The following PTPN3 variants were observed in gnomAD, a reference collection of about 807,000 sequenced individuals.
The protein encoded by PTPN3 is tyrosine-protein phosphatase non-receptor type 3.
PTPN3 carries 96 observed loss-of-function variants against 132.7 expected under a neutral mutation model. That is an observed-to-expected ratio of 0.72 (90% CI 0.61 to 0.86). PTPN3 has a LOEUF of 0.86. Ranked by LOEUF, PTPN3 falls within the 40% of genes least tolerant of loss-of-function variation. The pLI is 0.00. For synonymous variants in PTPN3, 398 were observed against 429.0 expected, an observed-to-expected ratio of 0.93 and a Z score of 0.89; for missense variants, 1,125 against 1,159.6, an observed-to-expected ratio of 0.97 and a Z score of 0.43.
intron 5 of PTPN3, chr9:109,449,571 G>C: frequency 1.0e-6 from 1 of 985,396 alleles, no homozygotes; most frequent in Non-Finnish European, 1.2e-6. Flanking sequence ...GGGGAGCGGG[G>C]AAAGGAGGCC....
At chr9:109,534,103 T>C in the PTPN3 span, 4 of 782,930 alleles carry the variant, frequency 5.1e-6, no homozygotes, top group East Asian at 2.4e-5. Flanking sequence ...GTCATTCCTG[T>C]TGATGAAAGC....
At chr9:109,409,576 C>T (rs189258109) in intron 16 of PTPN3, among the ~76,000 whole-genome samples, 102 of 152,048 alleles carry the variant, frequency 6.7e-4, no homozygotes, top group African/African-American at 2.4e-3. Context: ...CCTGTAATCC[C>T]GGCACTTTGG....
intron 19 of PTPN3, among the ~76,000 whole-genome samples, chr9:109,402,355 C>T (rs537141991): frequency 5.9e-5 from 9 of 151,736 alleles, no homozygotes; most frequent in Non-Finnish European, 1.2e-4. Context: ...CTTGTCTCAC[C>T]GCAACCTCCG....
intron 14 of PTPN3, among the ~76,000 whole-genome samples, chr9:109,419,150 A>C (rs1021555890): frequency 6.6e-6 from 1 of 152,266 alleles, no homozygotes; most frequent in Non-Finnish European, 1.5e-5. Context: ...AGCATCATCC[A>C]AGCTCAGGTC....
At chr9:109,451,021 T>C (rs1388897101) in intron 5 of PTPN3, 8 of 959,982 alleles carry the variant, frequency 8.3e-6, no homozygotes, top group African/African-American at 2.0e-5. Flanking sequence ...ATCTTTTAAG[T>C]TTTTTTATTT....
At chr9:109,511,321 A>T in the PTPN3 span, among the ~76,000 whole-genome samples, 347 of 152,284 alleles carry the variant, frequency 2.3e-3, 2 homozygotes, top group African/African-American at 7.5e-3. Flanking sequence ...AAGTGAGAAG[A>T]TACACAAAGA....
chr9:109,474,976 A>C (rs1846579149), intron 1 of PTPN3, among the ~76,000 whole-genome samples: 1 of 152,190 alleles, frequency 6.6e-6, no homozygotes, highest in Non-Finnish European at 1.5e-5. Context: ...ATTAACTTGC[A>C]CCTAGCTACT....
At chr9:109,476,479 T>G (rs1249453282) in intron 1 of PTPN3, among the ~76,000 whole-genome samples, 1 of 152,210 alleles carries the variant, frequency 6.6e-6, no homozygotes, top group South Asian at 2.1e-4. Flanking sequence ...TGTTGATGCA[T>G]TTATCTGTAC....
chr9:109,440,141 C>A (rs1397731610), intron 7 of PTPN3, among the ~76,000 whole-genome samples: 1 of 152,186 alleles, frequency 6.6e-6, no homozygotes. Flanking sequence ...GTGCTCAGAA[C>A]TGATCTGTAC....
chr9:109,533,419 T>A, the PTPN3 span: 1 of 1,170,474 alleles, frequency 8.5e-7, no homozygotes, highest in Non-Finnish European at 1.3e-6. Flanking sequence ...GTGCTGGGAT[T>A]ACAGGCATGA....
At chr9:109,519,152 G>A in the PTPN3 span, among the ~76,000 whole-genome samples, 3 of 152,194 alleles carry the variant, frequency 2.0e-5, no homozygotes, top group Non-Finnish European at 4.4e-5. Context: ...ATCAGAAAAT[G>A]TGTTATGAAC....
intron 6 of PTPN3, among the ~76,000 whole-genome samples, chr9:109,446,328 A>G (rs1844854868): frequency 6.6e-6 from 1 of 152,196 alleles, no homozygotes; most frequent in African/African-American, 2.4e-5. Flanking sequence ...CTTTCTGACA[A>G]TGCGGCCCTC....
chr9:109,493,805 C>T (rs954190525), intron 1 of PTPN3, among the ~76,000 whole-genome samples: 1 of 152,130 alleles, frequency 6.6e-6, no homozygotes, highest in African/African-American at 2.4e-5. Flanking sequence ...AGGGGGAGGC[C>T]GGGCCACAAT....
chr9:109,405,166 C>T (rs1179410992), intron 18 of PTPN3, among the ~76,000 whole-genome samples: 1 of 152,180 alleles, frequency 6.6e-6, no homozygotes, highest in Non-Finnish European at 1.5e-5. Flanking sequence ...CTCTTTAGTG[C>T]ACGTTTTCCC....
At chr9:109,437,026 C>T in intron 8 of PTPN3, 56 bp from the exon 9 acceptor site, 1 of 1,605,222 alleles carries the variant, frequency 6.2e-7, no homozygotes. Context: ...GGCATTAACT[C>T]CAATTTTAAA....
the PTPN3 span, among the ~76,000 whole-genome samples, chr9:109,527,816 T>A: frequency 2.0e-5 from 3 of 151,316 alleles, no homozygotes; most frequent in Non-Finnish European, 2.9e-5. Context: ...ATTAACAGAG[T>A]GAAAAGCCAA....
rs778320931 is a variant in PTPN3 at position 109,382,288 on chromosome 9, A to G, written c.2528+14T>C. The stretch of plus-strand genomic sequence containing the variant: ...GAAAGGATTCCAAACCTAACAAAAC[A>G]GCAAGCGCCATACCTGCAGTGAACT... On this transcript the variant is annotated intron_variant, in intron 24 of 25. Coordinates refer to ENST00000374541, the MANE Select transcript of PTPN3 (RefSeq NM_002829.4). 1.5e-5 allele frequency: 25 copies of G among 1,612,952 alleles called. No homozygotes were observed. The highest frequency in any genetic ancestry group is 3.3e-4 in the Middle Eastern group (2 of 6,080).
intron 1 of PTPN3, among the ~76,000 whole-genome samples, chr9:109,478,911 G>A (rs575521466): frequency 1.3e-5 from 2 of 152,184 alleles, no homozygotes; most frequent in East Asian, 1.9e-4. Context: ...AATCCAAACC[G>A]GTGGCTCCTG....
rs780874349 is a variant in PTPN3 at position 109,410,363 on chromosome 9, T to C, written c.1366A>G (p.Ser456Gly). 3 of 1,614,214 alleles carry C rather than the reference T, an allele frequency of 1.9e-6. No individual in the cohort carries two copies. Among genetic ancestry groups the C allele is most frequent in the African/African-American group, 1.3e-5 (1 of 75,054 alleles). The change falls in exon 15 of 26, where the codon AGT (serine) becomes GGT (glycine). Residue 456 changes from serine (S) to glycine (G), a missense_variant. By Grantham distance (56) the Ser-to-Gly change is moderately conservative (BLOSUM62 0). Coordinates refer to ENST00000374541, the MANE Select transcript of PTPN3 (RefSeq NM_002829.4). Reference sequence around the variant, plus strand: ...GCATTTGAAGATGGAGACACAGAACTGGATGACTTCTGGGTCAGGTAGCTT... The same window carrying C: ...GCATTTGAAGATGGAGACACAGAACCGGATGACTTCTGGGTCAGGTAGCTT... ...AQSYLTQKSS[S>G]SVSPSSNAPG...
Sources: allele counts gnomAD v4.1 joint callset (sites outside exome capture counted in the v4.1 genomes callset), GRCh38; gene constraint gnomAD v4.1.1; transcripts MANE v1.5; gene names NCBI Gene and HGNC (gene_info 2026-07-23, HGNC 2026-07-21).